PCDHA6: variants seen among roughly 807,000 people sequenced by gnomAD.
PCDHA6 encodes protocadherin alpha-6.
In PCDHA6, 55 loss-of-function variants were observed where a neutral mutation model predicts 60.3. The observed-to-expected ratio is 0.91, with a 90% confidence interval of 0.73 to 1.14. The LOEUF (loss-of-function observed/expected upper bound fraction) is 1.14, where lower values mean the gene tolerates loss of function less well. PCDHA6 is among the 50% of genes most tolerant of loss of function. The pLI is 0.00. For missense variants in PCDHA6, 1,327 were observed against 1,256.5 expected (o/e 1.06, Z -0.85); for synonymous variants, 652 against 557.9 (o/e 1.17, Z -2.38).
chr5:140,967,794 T>G, intron 1 of PCDHA6: 1 of 1,614,178 alleles, frequency 6.2e-7, no homozygotes. Flanking sequence ...CGGGGTCCAG[T>G]GCCCATGGCA....
At position 140,842,101 on chromosome 5, in the gene PCDHA6, A is replaced by G; in HGVS notation, c.2394+11616A>G. 6.2e-7 allele frequency: 1 copy of G among 1,613,930 alleles called. No individual in the cohort carries two copies. The highest frequency in any genetic ancestry group is 8.5e-7 in the Non-Finnish European group (1 of 1,179,886). ...TCGAAAACGCAGACAACGGAACAAC[A>G]GTTATCAAACTGAATGCTTCTGATC... is the stretch of plus-strand genomic sequence containing the variant. On this transcript the variant is annotated intron_variant, in intron 1 of 3. Coordinates refer to ENST00000529310, the MANE Select transcript of PCDHA6 (RefSeq NM_018909.4).
At chr5:140,942,681 A>G (rs1554215168) in intron 1 of PCDHA6, among the ~76,000 whole-genome samples, 1 of 152,206 alleles carries the variant, frequency 6.6e-6, no homozygotes, top group African/African-American at 2.4e-5. Flanking sequence ...AGTTTTAGGA[A>G]TAACTTTAAT....
At chr5:140,928,874 C>T (rs782794510) in intron 1 of PCDHA6, 1 of 1,614,194 alleles carries the variant, frequency 6.2e-7, no homozygotes, top group Admixed American at 1.7e-5. Context: ...AACTCTGTCC[C>T]TCAGTTACTT....
intron 1 of PCDHA6, chr5:140,867,234 G>T (rs782656807): frequency 2.0e-5 from 3 of 152,032 alleles, no homozygotes; most frequent in African/African-American, 4.8e-5. Context: ...CCATAATAAG[G>T]TGATTGAGGA....
rs1365314674 is a variant in PCDHA6, at chr5:140,850,378, C to A, written c.2394+19893C>A. 1.3e-6 allele frequency: 2 copies of A among 1,597,842 alleles called. No homozygotes were observed. Among genetic ancestry groups the A allele is most frequent in the East Asian group, 2.2e-5 (1 of 44,846 alleles). On this transcript the variant is annotated intron_variant, in intron 1 of 3. Transcript: ENST00000529310. ...ATCCCGTTCCGCGTGGGGCTGTACA[C>A]GGGCGAGATCAGCACAACGCGTGCC...
intron 1 of PCDHA6, among the ~76,000 whole-genome samples, chr5:140,955,342 C>T (rs981239160): frequency 1.3e-5 from 2 of 152,130 alleles, no homozygotes; most frequent in Admixed American, 6.6e-5. Context: ...ATAATCCCCA[C>T]ATGTTGTGAG....
intron 1 of PCDHA6, among the ~76,000 whole-genome samples, chr5:140,959,265 T>C (rs1341807372): frequency 1.3e-5 from 2 of 152,076 alleles, no homozygotes; most frequent in African/African-American, 2.4e-5. Context: ...TAGTCCCAGC[T>C]ACCCAGGAGC....
chr5:140,986,246 C>T (rs561365390), intron 3 of PCDHA6, among the ~76,000 whole-genome samples: 1 of 152,178 alleles, frequency 6.6e-6, no homozygotes, highest in African/African-American at 2.4e-5. Flanking sequence ...TGAGCAGACC[C>T]GGACCACAGG....
intron 1 of PCDHA6, chr5:140,842,158 T>C: frequency 3.1e-6 from 5 of 1,613,882 alleles, no homozygotes; most frequent in Non-Finnish European, 4.2e-6. Flanking sequence ...CAATTTCATA[T>C]TCTTTTAATA....
intron 1 of PCDHA6, chr5:140,860,221 A>G (rs545032981): frequency 3.3e-5 from 5 of 149,836 alleles, no homozygotes; most frequent in Non-Finnish European, 7.4e-5. Flanking sequence ...ACTTATGTAT[A>G]TATAAGCCAG....
intron 1 of PCDHA6, among the ~76,000 whole-genome samples, chr5:140,972,262 C>G (rs116021362): frequency 0.021 from 3,220 of 151,618 alleles, 50 homozygotes; most frequent in Non-Finnish European, 0.033. Context: ...ACATCAGCCT[C>G]CTGAGTAGCT....
At chr5:140,967,754 T>G (rs782221420) in intron 1 of PCDHA6, 16 of 1,614,164 alleles carry the variant, frequency 9.9e-6, no homozygotes, top group South Asian at 7.7e-5. Flanking sequence ...GGAAGCCTCC[T>G]CCTACCAGAT....
At chr5:140,913,810 T>C (rs2076475017) in intron 1 of PCDHA6, among the ~76,000 whole-genome samples, 1 of 152,224 alleles carries the variant, frequency 6.6e-6, no homozygotes, top group South Asian at 2.1e-4. Context: ...AAATTTTCAA[T>C]TTCCTTTTAA....
At position 140,882,980 on chromosome 5, in the gene PCDHA6, A is replaced by T. The variant is rs782593392; in HGVS notation, c.2394+52495A>T. On this transcript the variant is annotated intron_variant, in intron 1 of 3. Coordinates refer to ENST00000529310, the MANE Select transcript of PCDHA6 (RefSeq NM_018909.4). ...CATCACGATTCTGGACGTGAATGAC[A>T]ACGCCCCGGAATTTTACCAATCCGT... 34 of 1,614,072 alleles carry T rather than the reference A, an allele frequency of 2.1e-5. No homozygotes were observed. Among genetic ancestry groups the T allele is most frequent in the African/African-American group, 2.7e-5 (2 of 74,926 alleles).
chr5:140,832,274 T>C (rs1771890474), intron 1 of PCDHA6, among the ~76,000 whole-genome samples: 1 of 152,194 alleles, frequency 6.6e-6, no homozygotes, highest in Admixed American at 6.5e-5. Flanking sequence ...TAGACTACAT[T>C]AAGCATGAAT....
Position 140,828,014 on chromosome 5 carries a change from T to C in PCDHA6, c.-78T>C. 6.6e-7 allele frequency: 1 copy of C among 1,509,628 alleles called. No homozygotes were observed. The highest frequency in any genetic ancestry group is 8.9e-7 in the Non-Finnish European group (1 of 1,126,428). 93.5% of individuals were successfully genotyped at this position (1,509,628 alleles called of 1,614,324 possible). On this transcript the variant is annotated 5_prime_UTR_variant, in exon 1 of 4. It removes the in-frame stop codon of an upstream open reading frame in the 5' UTR. Transcript: ENST00000529310. ...GATGGCGGACGCAGAAGAAATGGAT[T>C]AATAAATTCCGGAACATACAGTATT...
At chr5:140,848,219 T>A in intron 1 of PCDHA6, 1 of 368,880 alleles carries the variant, frequency 2.7e-6, no homozygotes, top group Non-Finnish European at 4.9e-6. Flanking sequence ...TAAGAAAAAA[T>A]TAAGAAAATG....
rs151053430 is a variant in PCDHA6 at position 140,849,630 on chromosome 5, G to T, written c.2394+19145G>T. Reference sequence around the variant, plus strand: ...CCTGATTAGTGTGATCGACCTAGACGCAGATGCCAACGGGCAGGTTACCTG... The same window carrying T: ...CCTGATTAGTGTGATCGACCTAGACTCAGATGCCAACGGGCAGGTTACCTG... On this transcript the variant is annotated intron_variant, in intron 1 of 3. Transcript: ENST00000529310. 6.9e-4 allele frequency: 1,103 copies of T among 1,598,686 alleles called. 107 individuals are homozygous for T. Among genetic ancestry groups the T allele is most frequent in the South Asian group, 1.2e-3 (106 of 90,556 alleles).
chr5:140,876,376 A>G (rs2056310624), intron 1 of PCDHA6: 1 of 1,613,840 alleles, frequency 6.2e-7, no homozygotes, highest in African/African-American at 1.3e-5. Flanking sequence ...CACAGGTGAA[A>G]TTAGAATTTA....
Sources: gnomAD v4.1 joint callset for allele counts (sites outside exome capture counted in the v4.1 genomes callset) on GRCh38, gnomAD v4.1.1 for gene constraint, MANE v1.5 for transcripts, NCBI Gene and HGNC (gene_info 2026-07-23, HGNC 2026-07-21) for gene names.